The following PSD3 variants were observed in gnomAD, a reference collection of about 807,000 sequenced individuals.
PSD3 encodes the protein PH and SEC7 domain-containing protein 3.
PSD3 carries 49 observed loss-of-function variants against 105.5 expected under a neutral mutation model. The ratio of observed to expected loss-of-function variants is 0.46; its 90% CI spans 0.37 to 0.59. The LOEUF (loss-of-function observed/expected upper bound fraction) is 0.59, where lower values mean the gene tolerates loss of function less well. Ranked by LOEUF, PSD3 falls within the 20% of genes least tolerant of loss-of-function variation. The pLI is 0.00. For synonymous variants in PSD3, 557 were observed against 457.8 expected (o/e 1.22, Z -2.77); for missense variants, 1,561 against 1,263.8 (o/e 1.24, Z -3.57).
chr8:18,574,915 A>C (rs1041137696), intron 13 of PSD3, among the ~76,000 whole-genome samples: 1 of 152,170 alleles, frequency 6.6e-6, no homozygotes, highest in Non-Finnish European at 1.5e-5. Flanking sequence ...TAAAAGTCAA[A>C]GGGCTACTTT....
At chr8:19,044,092 G>T (rs1048262832) in intron 1 of PSD3, among the ~76,000 whole-genome samples, 1 of 152,210 alleles carries the variant, frequency 6.6e-6, no homozygotes, top group Non-Finnish European at 1.5e-5. Flanking sequence ...TTCAGCCACA[G>T]TCAGAAGCAA....
chr8:19,054,456 AAAAG>A (rs886960879), intron 1 of PSD3, among the ~76,000 whole-genome samples: 4 of 152,174 alleles, frequency 2.6e-5, no homozygotes, highest in Non-Finnish European at 5.9e-5. Flanking sequence ...AGGGAAAGAA[AAAAG>A]AAAGGAAAGG....
chr8:18,713,942 C>T (rs764023393), intron 9 of PSD3, among the ~76,000 whole-genome samples: 4 of 152,030 alleles, frequency 2.6e-5, no homozygotes, highest in Admixed American at 2.0e-4. Context: ...ACACATAGAC[C>T]AATGGAACAG....
At chr8:18,911,100 C>T (rs1820193786) in intron 2 of PSD3, among the ~76,000 whole-genome samples, 1 of 151,988 alleles carries the variant, frequency 6.6e-6, no homozygotes, top group South Asian at 2.1e-4. Context: ...AGAATGAGGC[C>T]ATGTCAATCA....
At chr8:18,635,999 G>A (rs1200457655) in intron 10 of PSD3, among the ~76,000 whole-genome samples, 7 of 152,090 alleles carry the variant, frequency 4.6e-5, no homozygotes, top group Non-Finnish European at 1.0e-4. Context: ...TGTGGCACAT[G>A]TATACCTATG....
At chr8:18,642,623 A>G (rs988078621) in intron 10 of PSD3, among the ~76,000 whole-genome samples, 1 of 152,180 alleles carries the variant, frequency 6.6e-6, no homozygotes, top group Non-Finnish European at 1.5e-5. Context: ...GTAGGCTACT[A>G]ACATAATCAC....
chr8:18,570,473 T>C (rs1802058658), intron 14 of PSD3, among the ~76,000 whole-genome samples: 1 of 142,916 alleles, frequency 7.0e-6, no homozygotes, highest in Admixed American at 7.2e-5. Flanking sequence ...ACAAATGGGA[T>C]CTAATTAAAC....
At chr8:18,852,155 G>GA (rs545102378) in intron 4 of PSD3, among the ~76,000 whole-genome samples, 1,544 of 147,656 alleles carry the variant, frequency 0.01, 19 homozygotes, top group African/African-American at 0.027. Flanking sequence ...TTTGAGGCAG[G>GA]AAAAAAAAAA....
intron 8 of PSD3, among the ~76,000 whole-genome samples, chr8:18,776,971 T>A (rs1475828944): frequency 6.6e-6 from 1 of 152,142 alleles, no homozygotes; most frequent in Non-Finnish European, 1.5e-5. Flanking sequence ...TATCAGTAGT[T>A]ATGTCTCTTT....
At position 19,079,678 on chromosome 8, in the gene PSD3, C is replaced by T. The variant is rs796658929; in HGVS notation, c.324+4528G>A. 7.9e-5 allele frequency among the ~76,000 whole-genome samples: 12 copies of T among 152,244 alleles called. 1 individual carries two copies. Among genetic ancestry groups the T allele is most frequent in the South Asian group, 2.1e-4 (1 of 4,824 alleles). ...TTAACTAGAACCATTACAGGACAGACGGCTTGCAATACCGGTCCAAAATTC... is the reference window on the plus strand; with the variant it reads ...TTAACTAGAACCATTACAGGACAGATGGCTTGCAATACCGGTCCAAAATTC... On this transcript the variant is annotated intron_variant, in intron 1 of 1. Transcript: ENST00000521475.
intron 1 of PSD3, among the ~76,000 whole-genome samples, chr8:18,987,615 C>T (rs1825575655): frequency 6.6e-6 from 1 of 152,004 alleles, no homozygotes; most frequent in Admixed American, 6.6e-5. Context: ...GCCAGGAGTT[C>T]AAGACCACCC....
In PSD3 at chr8:18,772,622, A is replaced by G. The variant is rs1282589289; in HGVS notation, c.2083-7084T>C. ...CTCCCAAGTTCAAGTGTTTCTCCTG[A>G]CTCGGCCTCCCAAGTAGCTGGGATT... On this transcript the variant is annotated intron_variant, in intron 8 of 15. Transcript: ENST00000327040. Among the ~76,000 whole-genome samples the G allele has an allele frequency of 3.3e-5, 5 of 152,038 alleles. No homozygotes were observed. In the East Asian group the frequency reaches 9.7e-4, roughly 30 times the overall value.
chr8:18,548,258 G>A (rs1800566065), intron 15 of PSD3, among the ~76,000 whole-genome samples: 1 of 151,922 alleles, frequency 6.6e-6, no homozygotes, highest in Admixed American at 6.6e-5. Flanking sequence ...TGTATTCTGT[G>A]GCCTACTGAG....
intron 9 of PSD3, chr8:18,684,135 GCA>G: frequency 4.5e-6 from 2 of 439,676 alleles, no homozygotes; most frequent in Non-Finnish European, 8.3e-6. Flanking sequence ...ATTGTTCCAG[GCA>G]CAGCTCACGT....
intron 1 of PSD3, among the ~76,000 whole-genome samples, chr8:19,047,479 C>T (rs1828361824): frequency 6.6e-6 from 1 of 152,072 alleles, no homozygotes; most frequent in African/African-American, 2.4e-5. Flanking sequence ...AGCCTTCTTT[C>T]TAGGATGCAA....
Position 18,586,399 on chromosome 8 carries a change from G to A in PSD3, c.2482-11114C>T, listed in dbSNP as rs532386807. On this transcript the variant is annotated intron_variant, in intron 12 of 15. Transcript: ENST00000327040. ...CTCTCCATTTGTAATGAAGAAATGC[G>A]AATTGAATTATTCTTGAATTGTTCT... is the stretch of plus-strand genomic sequence containing the variant. Among the ~76,000 whole-genome samples the A allele has an allele frequency of 1.4e-3, 220 of 152,236 alleles. 2 individuals carry two copies. Among genetic ancestry groups the A allele is most frequent in the African/African-American group, 5.0e-3 (209 of 41,536 alleles).
At chr8:19,008,602 T>C (rs1019669835) in intron 1 of PSD3, among the ~76,000 whole-genome samples, 4 of 152,206 alleles carry the variant, frequency 2.6e-5, no homozygotes, top group Non-Finnish European at 5.9e-5. Context: ...TAAGTTTCCA[T>C]ATACAGAGAA....
chr8:18,844,797 A>G (rs1397546370), intron 4 of PSD3, among the ~76,000 whole-genome samples: 5 of 152,250 alleles, frequency 3.3e-5, no homozygotes, highest in African/African-American at 1.2e-4. Flanking sequence ...TTTAACCAAG[A>G]GAAGAATCGT....
At chr8:18,898,750 A>AC (rs1819311995) in intron 2 of PSD3, among the ~76,000 whole-genome samples, 3 of 152,214 alleles carry the variant, frequency 2.0e-5, no homozygotes, top group African/African-American at 7.2e-5. Flanking sequence ...TTTACTATTC[A>AC]TTAAGTGGAA....
Sources: gnomAD v4.1 joint callset for allele counts (sites outside exome capture counted in the v4.1 genomes callset) on GRCh38, gnomAD v4.1.1 for gene constraint, MANE v1.5 for transcripts, NCBI Gene and HGNC (gene_info 2026-07-23, HGNC 2026-07-21) for gene names.